POLR1A: variants seen among roughly 807,000 people sequenced by gnomAD.
POLR1A encodes the protein RNA polymerase I subunit A, also known as DNA-directed RNA polymerase I subunit RPA1.
Under a neutral mutation model 205.3 loss-of-function variants are expected in POLR1A, and 84 were observed. The observed-to-expected ratio is 0.41, with a 90% CI of 0.34 to 0.49. The LOEUF is 0.49. Ranked by LOEUF, POLR1A falls within the 20% of genes least tolerant of loss-of-function variation. The probability of loss-of-function intolerance (pLI) is 0.22; values close to 1 mark genes in which losing one functional copy is unlikely to be tolerated. For missense variants in POLR1A, 1,645 were observed against 2,204.5 expected, an observed-to-expected ratio of 0.75 and a Z score of 5.08; for synonymous variants, 799 against 863.7, an observed-to-expected ratio of 0.93 and a Z score of 1.31.
chr2:86,050,674 C>T (rs534619218), intron 16 of POLR1A, among the ~76,000 whole-genome samples: 1 of 152,368 alleles, frequency 6.6e-6, no homozygotes, highest in African/African-American at 2.4e-5. Context: ...AAGTTTGTTC[C>T]TCATCATGAG....
At chr2:86,099,246 A>G (rs894932764) in intron 2 of POLR1A, among the ~76,000 whole-genome samples, 1 of 151,968 alleles carries the variant, frequency 6.6e-6, no homozygotes, top group African/African-American at 2.4e-5. Flanking sequence ...AATCCCAGCT[A>G]CTAGGGAGGC....
intron 16 of POLR1A, among the ~76,000 whole-genome samples, chr2:86,051,882 G>A (rs3770084): frequency 0.011 from 1,697 of 152,320 alleles, 34 homozygotes; most frequent in East Asian, 0.098. Flanking sequence ...GTTCCTCTTC[G>A]TGTCTTAGGA....
At chr2:86,063,414 G>C (rs1022109834) in intron 14 of POLR1A, among the ~76,000 whole-genome samples, 2 of 149,348 alleles carry the variant, frequency 1.3e-5, no homozygotes, top group Non-Finnish European at 3.0e-5. Context: ...CTTCACTGGT[G>C]AATTCTACAA....
At chr2:86,079,822 A>G (rs1673363221) in intron 9 of POLR1A, among the ~76,000 whole-genome samples, 1 of 152,074 alleles carries the variant, frequency 6.6e-6, no homozygotes, top group Non-Finnish European at 1.5e-5. Flanking sequence ...TCAGCCTCCC[A>G]AAGTGCTGGG....
chr2:86,094,299 T>G (rs1673662644), intron 3 of POLR1A, among the ~76,000 whole-genome samples: 1 of 152,388 alleles, frequency 6.6e-6, no homozygotes, highest in Admixed American at 6.5e-5. Flanking sequence ...AGTAGGTTCA[T>G]GGATTCCTAC....
At chr2:86,069,736 TGAA>T (rs1673143446) in intron 13 of POLR1A, among the ~76,000 whole-genome samples, 2 of 152,370 alleles carry the variant, frequency 1.3e-5, no homozygotes, top group South Asian at 4.1e-4. Context: ...ATTTAAGTGC[TGAA>T]CACAAGACCT....
intron 13 of POLR1A, among the ~76,000 whole-genome samples, chr2:86,066,096 TTGAGG>T (rs1235189001): frequency 6.6e-6 from 1 of 152,094 alleles, no homozygotes; most frequent in Non-Finnish European, 1.5e-5. Flanking sequence ...TAATATAGAC[TTGAGG>T]TGAGGGGGAT....
intron 4 of POLR1A, 146 bp downstream of exon 4, chr2:86,089,676 G>A: frequency 1.6e-6 from 1 of 613,132 alleles, no homozygotes; most frequent in Non-Finnish European, 2.9e-6. Flanking sequence ...TGTAATTTGT[G>A]AGGTTGCAGG....
chr2:86,038,680 A>C lies in POLR1A; in HGVS notation c.4034+20T>G, dbSNP rs774621691. 27 of 1,611,926 alleles carry C rather than the reference A, an allele frequency of 1.7e-5. No homozygotes were observed. The highest frequency in any genetic ancestry group is 1.7e-5 in the Non-Finnish European group (20 of 1,179,400). On this transcript the variant is annotated intron_variant, in intron 27 of 33. Coordinates refer to ENST00000263857, the MANE Select transcript of POLR1A (RefSeq NM_015425.6). ...ATTCTCTGGGTCAAGGTCAATGACA[A>C]TCACAGCCTGAGCCCTGACCTTGTT...
chr2:86,091,598 T>C (rs1220629979), intron 3 of POLR1A, among the ~76,000 whole-genome samples: 2 of 152,200 alleles, frequency 1.3e-5, no homozygotes, highest in Non-Finnish European at 2.9e-5. Flanking sequence ...CATTTCTGTA[T>C]ATATTTTACA....
Position 86,048,963 on chromosome 2 carries a change from C to G in POLR1A, c.2555G>C (p.Gly852Ala), listed in dbSNP as rs1484129974. Residue 852 changes from glycine (G) to alanine (A), a missense_variant, in exon 18 of 34, where the codon GGC becomes GCC. This residue lies in a region of POLR1A where 339 missense variants were observed against 415.1 expected (regional missense o/e 0.82). Transcript: ENST00000263857. ...VRGKWQDAHL[G>A]KDQRDFNMID... is the part of the protein sequence containing the mutation. ...CATGTTAAAATCCCTCTGGTCCTTG[C>G]CCAGATGGGCATCCTGCCATTTTCC... is the stretch of plus-strand genomic sequence containing the variant. The G allele has an allele frequency of 5.0e-6, 8 of 1,613,438 alleles. No homozygotes were observed. The highest frequency in any genetic ancestry group is 5.9e-6 in the Non-Finnish European group (7 of 1,179,430).
chr2:86,105,595 C>A, intron 1 of POLR1A, 105 bp downstream of exon 1: 1 of 723,534 alleles, frequency 1.4e-6, no homozygotes, highest in South Asian at 1.6e-5. Context: ...GCCAGACAAG[C>A]CTGGACTCAA....
In POLR1A at chr2:86,098,764, AAG is replaced by A; in HGVS notation, c.283-6_283-5del. On this transcript the variant is annotated splice_region_variant and splice_polypyrimidine_tract_variant and intron_variant, in intron 2 of 33. Transcript: ENST00000263857. ...CCCGAAGCAGCAGGTACAGCTTCTG[AAG>A]AGAGGGAATAAAAACAAACAGGATA... 6.2e-7 allele frequency: 1 copy of A among 1,613,878 alleles called. No individual in the cohort carries two copies. Among genetic ancestry groups the A allele is most frequent in the East Asian group, 2.2e-5 (1 of 44,864 alleles).
chr2:86,079,365 G>A (rs924577550), intron 9 of POLR1A, among the ~76,000 whole-genome samples: 12 of 152,168 alleles, frequency 7.9e-5, no homozygotes, highest in Non-Finnish European at 1.0e-4. Flanking sequence ...GTGAGAACTT[G>A]TCTCACTGGA....
intron 24 of POLR1A, among the ~76,000 whole-genome samples, chr2:86,040,997 G>A (rs1672590357): frequency 6.6e-6 from 1 of 152,234 alleles, no homozygotes; most frequent in Non-Finnish European, 1.5e-5. Flanking sequence ...TTATGGGGAT[G>A]GGGGTGATGA....
At chr2:86,042,801 T>C (rs551567594) in intron 23 of POLR1A, among the ~76,000 whole-genome samples, 173 bp downstream of exon 23, 7 of 152,320 alleles carry the variant, frequency 4.6e-5, no homozygotes, top group African/African-American at 1.7e-4. Flanking sequence ...CCTACACCCT[T>C]GTTAAGAGTC....
chr2:86,041,920 T>A lies in POLR1A; in HGVS notation c.3541A>T (p.Ser1181Cys). The change falls in exon 24 of 34, where the codon AGT (serine) becomes TGT (cysteine). Residue 1181 changes from serine to cysteine, a missense_variant. Around this residue, in one of 16 missense-constraint regions of POLR1A, gnomAD observed 201 missense variants for 222.3 expected, o/e 0.90. Transcript: ENST00000263857. The part of the protein sequence containing the change: ...SQEWAAQTEK[S>C]YEKSELSLDR... The stretch of plus-strand genomic sequence containing the variant: ...AGAGAAAGCTCTGATTTCTCATAAC[T>A]CTTCTCTGTTTGAGCTGCCCACTCT... 6.2e-7 allele frequency: 1 copy of A among 1,614,120 alleles called. No individual in the cohort carries two copies. The highest frequency in any genetic ancestry group is 8.5e-7 in the Non-Finnish European group (1 of 1,179,946).
chr2:86,087,875 G>C (rs748020506), intron 6 of POLR1A, among the ~76,000 whole-genome samples: 1 of 152,150 alleles, frequency 6.6e-6, no homozygotes, highest in Non-Finnish European at 1.5e-5. Context: ...GAACACTGAT[G>C]ACATAATAAG....
chr2:86,054,047 T>A, intron 15 of POLR1A, 93 bp downstream of exon 15: 2 of 1,264,514 alleles, frequency 1.6e-6, no homozygotes, highest in Non-Finnish European at 2.3e-6. Flanking sequence ...TACCTGCTTC[T>A]GTGAATGTGC....
Sources: allele counts gnomAD v4.1 joint callset (sites outside exome capture counted in the v4.1 genomes callset), GRCh38; gene constraint gnomAD v4.1.1; regional missense constraint gnomAD v4.1.1; transcripts MANE v1.5; gene names NCBI Gene and HGNC (gene_info 2026-07-23, HGNC 2026-07-21).